The following SLIT1 variants were observed in gnomAD, a reference collection of about 807,000 sequenced individuals.
The protein encoded by SLIT1 is slit homolog 1 protein.
In SLIT1, 66 loss-of-function variants were observed where a neutral mutation model predicts 186.1. That is an observed-to-expected ratio of 0.35 (90% CI 0.29 to 0.44). The LOEUF (loss-of-function observed/expected upper bound fraction) is 0.44. Among genes scored for constraint, SLIT1 ranks in the 20% least tolerant of loss-of-function variants. The pLI, the probability that SLIT1 is intolerant of heterozygous loss-of-function variation, is 1.00. For missense variants in SLIT1, 1,638 were observed against 2,037.4 expected (o/e 0.80, Z 3.77); for synonymous variants, 761 against 833.8 (o/e 0.91, Z 1.50).
chr10:97,140,412 C>T (rs905157672), intron 4 of SLIT1, among the ~76,000 whole-genome samples: 2 of 152,214 alleles, frequency 1.3e-5, no homozygotes, highest in African/African-American at 4.8e-5. Flanking sequence ...CTCCCACCGC[C>T]CTCCTTGGGC....
chr10:97,058,682 G>A (rs926405480), intron 11 of SLIT1, among the ~76,000 whole-genome samples: 15 of 152,304 alleles, frequency 9.8e-5, no homozygotes, highest in African/African-American at 2.9e-4. Flanking sequence ...GTTCTATTCC[G>A]TTGTACTTGC....
At chr10:97,104,039 C>T (rs1037069686) in intron 4 of SLIT1, among the ~76,000 whole-genome samples, 21 of 152,192 alleles carry the variant, frequency 1.4e-4, no homozygotes, top group African/African-American at 4.3e-4. Flanking sequence ...AGCCCTGCCC[C>T]GTGGAGCTCA....
intron 28 of SLIT1, among the ~76,000 whole-genome samples, chr10:97,015,094 C>A (rs1848444138): frequency 6.6e-6 from 1 of 152,054 alleles, no homozygotes; most frequent in Non-Finnish European, 1.5e-5. Flanking sequence ...GAGAGAGGTC[C>A]AAGAAATTAA....
chr10:97,032,787 C>A (rs1848603748), intron 23 of SLIT1, among the ~76,000 whole-genome samples: 1 of 152,194 alleles, frequency 6.6e-6, no homozygotes, highest in Non-Finnish European at 1.5e-5. Flanking sequence ...AACTGTGGCA[C>A]ATCCATGCCT....
intron 4 of SLIT1, among the ~76,000 whole-genome samples, chr10:97,092,171 A>G (rs1258696265): frequency 6.6e-6 from 1 of 152,206 alleles, no homozygotes; most frequent in African/African-American, 2.4e-5. Context: ...GGGCCCCTGG[A>G]GGCTCTGAGG....
At position 97,002,730 on chromosome 10, in the gene SLIT1, G is replaced by A. The variant is rs762551818; in HGVS notation, c.4128C>T (p.Pro1376=). ...AGWVGLHCDQ[P]ADGPCHGHKC... ...TGTGGCCATGGCAGGGGCCGTCAGCGGGCTGGTCACAGTGCAGGCCCACCC... is the reference window on the plus strand; with the variant it reads ...TGTGGCCATGGCAGGGGCCGTCAGCAGGCTGGTCACAGTGCAGGCCCACCC... Residue 1376 remains proline, a synonymous_variant, in exon 35 of 37, where the codon CCC becomes CCT. Transcript: ENST00000266058. 188 of 1,591,726 alleles carry A rather than the reference G, an allele frequency of 1.2e-4. 1 individual carries two copies. The highest frequency in any genetic ancestry group is 9.4e-4 in the South Asian group (84 of 89,390).
intron 4 of SLIT1, among the ~76,000 whole-genome samples, chr10:97,141,157 G>A (rs960163058): frequency 2.6e-5 from 4 of 152,186 alleles, no homozygotes; most frequent in Non-Finnish European, 5.9e-5. Context: ...GGCAGATGCG[G>A]ATTCAGCCCC....
rs961184471 is a variant in SLIT1 at position 97,004,552 on chromosome 10, C to G, written c.3710+141G>C. On this transcript the variant is annotated intron_variant, in intron 33 of 36. Coordinates refer to ENST00000266058, the MANE Select transcript of SLIT1 (RefSeq NM_003061.3). The surrounding 1 kb of genome is among the most constrained non-coding windows in gnomAD (Gnocchi z 5.1). ...GACCTCAGCCCCAAGCTGGGGCTAA[C>G]CCAGATGGTTCAAGTGTCCTTCAAA... is the stretch of plus-strand genomic sequence containing the variant. 10 of 1,025,788 alleles carry G rather than the reference C, an allele frequency of 9.7e-6. No homozygotes were observed. Among genetic ancestry groups the G allele is most frequent in the Non-Finnish European group, 1.5e-5 (10 of 682,184 alleles). 63.5% of individuals were successfully genotyped at this position (1,025,788 alleles called of 1,614,324 possible).
chr10:97,148,768 AAT>A (rs1278533272), intron 4 of SLIT1, among the ~76,000 whole-genome samples: 6 of 152,172 alleles, frequency 3.9e-5, no homozygotes, highest in Admixed American at 1.3e-4. Flanking sequence ...TTTTATTTTT[AAT>A]ATGTTTTAAT....
At chr10:97,041,449 CG>C (rs1302335829) in intron 20 of SLIT1, among the ~76,000 whole-genome samples, 9 of 28,050 alleles carry the variant, frequency 3.2e-4, no homozygotes, top group African/African-American at 1.4e-3. Flanking sequence ...GCATGGGGGC[CG>C]GGGGGTAGTG....
At chr10:97,063,662 G>A (rs756358030) in intron 7 of SLIT1, 44 bp from the exon 8 acceptor site, 8 of 1,531,132 alleles carry the variant, frequency 5.2e-6, no homozygotes, top group Non-Finnish European at 5.3e-6. Flanking sequence ...GGATCCCCCA[G>A]CCCAGCCTGA....
chr10:97,001,413 A>C (rs1848307922), intron 36 of SLIT1, 63 bp from the exon 37 acceptor site: 12 of 1,264,916 alleles, frequency 9.5e-6, no homozygotes, highest in African/African-American at 1.5e-5. Context: ...TGCTGCCTCC[A>C]GGGAGGCAGG....
intron 1 of SLIT1, among the ~76,000 whole-genome samples, chr10:97,179,630 C>A (rs1850304028): frequency 6.6e-6 from 1 of 152,220 alleles, no homozygotes; most frequent in South Asian, 2.1e-4. Flanking sequence ...GACATCCTTA[C>A]ACTTTTGTTC....
chr10:97,185,051 G>C (rs528945410), intron 1 of SLIT1, among the ~76,000 whole-genome samples: 2 of 152,376 alleles, frequency 1.3e-5, no homozygotes, highest in African/African-American at 4.8e-5. Context: ...GCGGGAATCT[G>C]CGCAGCTGGC....
intron 4 of SLIT1, among the ~76,000 whole-genome samples, chr10:97,083,095 T>TATTC (rs1245059009): frequency 6.6e-6 from 1 of 151,904 alleles, no homozygotes. Flanking sequence ...TAAATATTTT[T>TATTC]ATTTATTTAT....
Position 97,087,294 on chromosome 10 carries a change from G to A in SLIT1, c.414-21208C>T, listed in dbSNP as rs185917490. Among the ~76,000 whole-genome samples the A allele has an allele frequency of 3.5e-3, 535 of 152,132 alleles. 3 individuals carry two copies. Among genetic ancestry groups the A allele is most frequent in the African/African-American group, 0.012 (514 of 41,500 alleles). ...CCTTTGTGACAGTGTTGGGTGGAAGGTCCACAGCCCCAGAAGGAAATTCTG... is the reference window on the plus strand; with the variant it reads ...CCTTTGTGACAGTGTTGGGTGGAAGATCCACAGCCCCAGAAGGAAATTCTG... On this transcript the variant is annotated intron_variant, in intron 4 of 36. Transcript: ENST00000266058.
At chr10:97,117,920 T>A (rs1849523528) in intron 4 of SLIT1, among the ~76,000 whole-genome samples, 1 of 152,156 alleles carries the variant, frequency 6.6e-6, no homozygotes, top group Non-Finnish European at 1.5e-5. Flanking sequence ...CCCAGGGGGA[T>A]CTGTCAAAAT....
rs375432939 is a variant in SLIT1 at position 97,014,010 on chromosome 10, C to A, written c.3109+9G>T. On this transcript the variant is annotated intron_variant, in intron 29 of 36. Coordinates refer to ENST00000266058, the MANE Select transcript of SLIT1 (RefSeq NM_003061.3). ...CCTCCCCCAGACACTGCTGCCCTGA[C>A]GCACTTACCCTCATACTGCAGGGGG... 6.2e-7 allele frequency: 1 copy of A among 1,612,624 alleles called. No homozygotes were observed. The highest frequency in any genetic ancestry group is 1.1e-5 in the South Asian group (1 of 91,016).
At chr10:97,139,118 C>T (rs1024343962) in intron 4 of SLIT1, among the ~76,000 whole-genome samples, 2 of 152,156 alleles carry the variant, frequency 1.3e-5, no homozygotes, top group Admixed American at 1.3e-4. Flanking sequence ...AGGGTCCCCA[C>T]GGCCAAGTCA....
Sources: gnomAD v4.1 joint callset for allele counts (sites outside exome capture counted in the v4.1 genomes callset) on GRCh38, gnomAD v4.1.1 for gene constraint, Gnocchi (gnomAD v3.1) non-coding constraint, MANE v1.5 for transcripts, NCBI Gene and HGNC (gene_info 2026-07-23, HGNC 2026-07-21) for gene names.